The following LARGE1 variants were observed in gnomAD, a reference collection of about 807,000 sequenced individuals.
The protein encoded by LARGE1 is LARGE xylosyl- and glucuronyltransferase 1.
A neutral mutation model predicts 87.6 loss-of-function variants in LARGE1; 43 were observed. The observed-to-expected ratio is 0.49, with a 90% CI of 0.38 to 0.63. The LOEUF (loss-of-function observed/expected upper bound fraction) is 0.63, where lower values mean the gene tolerates loss of function less well. Ranked by LOEUF, LARGE1 falls within the 30% of genes least tolerant of loss-of-function variation. The pLI, the probability that LARGE1 is intolerant of heterozygous loss-of-function variation, is 0.00. For synonymous variants in LARGE1, 434 were observed against 394.6 expected, an observed-to-expected ratio of 1.10 and a Z score of -1.18; for missense variants, 802 against 1,000.2, an observed-to-expected ratio of 0.80 and a Z score of 2.67.
At chr22:33,603,217 G>T (rs989466406) in intron 5 of LARGE1, among the ~76,000 whole-genome samples, 1 of 152,174 alleles carries the variant, frequency 6.6e-6, no homozygotes, top group Non-Finnish European at 1.5e-5. Context: ...TATTAAAAAT[G>T]CTATGGCTCT....
intron 1 of LARGE1, among the ~76,000 whole-genome samples, chr22:33,840,028 A>T (rs184512430): frequency 6.6e-6 from 1 of 152,352 alleles, no homozygotes; most frequent in East Asian, 1.9e-4. Context: ...GGGCCAGATC[A>T]TTAGAGAAAA....
chr22:33,497,071 C>CTTTTTT (rs5845088), intron 6 of LARGE1, among the ~76,000 whole-genome samples: 74 of 133,840 alleles, frequency 5.5e-4, no homozygotes, highest in African/African-American at 7.8e-4. Flanking sequence ...CTTTTCTTTT[C>CTTTTTT]TTTTTTTTTT....
intron 6 of LARGE1, among the ~76,000 whole-genome samples, chr22:33,537,404 A>G (rs1044619140): frequency 3.7e-4 from 57 of 152,104 alleles, no homozygotes; most frequent in African/African-American, 1.3e-3. Context: ...TGCTTCTATC[A>G]TTATATCGCT....
intron 2 of LARGE1, among the ~76,000 whole-genome samples, chr22:33,700,741 A>G (rs1295205094): frequency 6.6e-6 from 1 of 152,192 alleles, no homozygotes; most frequent in African/African-American, 2.4e-5. Flanking sequence ...GAGGTCTTGA[A>G]GGACATTCTG....
intron 11 of LARGE1, among the ~76,000 whole-genome samples, chr22:33,244,058 G>A (rs570690218): frequency 5.9e-5 from 9 of 152,160 alleles, no homozygotes; most frequent in African/African-American, 9.6e-5. Flanking sequence ...GCGCGATCTC[G>A]GCTCACTGTA....
At chr22:33,811,996 GA>G (rs1424225412) in intron 1 of LARGE1, among the ~76,000 whole-genome samples, 4 of 152,202 alleles carry the variant, frequency 2.6e-5, no homozygotes, top group African/African-American at 9.7e-5. Flanking sequence ...AAGGAAAGGG[GA>G]AATTGGCTAC....
At chr22:33,456,836 T>C (rs2068150787) in intron 6 of LARGE1, among the ~76,000 whole-genome samples, 1 of 152,134 alleles carries the variant, frequency 6.6e-6, no homozygotes, top group South Asian at 2.1e-4. Flanking sequence ...TGCCAGGTAA[T>C]GAAGAAGCTG....
At chr22:33,688,681 G>A (rs1056205080) in intron 2 of LARGE1, among the ~76,000 whole-genome samples, 11 of 152,028 alleles carry the variant, frequency 7.2e-5, no homozygotes, top group African/African-American at 2.7e-4. Flanking sequence ...ACTTCCAAAA[G>A]TCATGCACCT....
intron 1 of LARGE1, among the ~76,000 whole-genome samples, chr22:33,844,308 A>G (rs902082773): frequency 2.6e-5 from 4 of 152,128 alleles, no homozygotes; most frequent in African/African-American, 4.8e-5. Flanking sequence ...AAGAGTCCCA[A>G]TGAGACTGTT....
intron 4 of LARGE1, among the ~76,000 whole-genome samples, chr22:33,615,355 A>G (rs1460855845): frequency 6.6e-6 from 1 of 152,190 alleles, no homozygotes; most frequent in Non-Finnish European, 1.5e-5. Flanking sequence ...TGACATAATT[A>G]CCTGGAAGTT....
intron 11 of LARGE1, among the ~76,000 whole-genome samples, chr22:33,183,611 C>T (rs1479823010): frequency 1.1e-5 from 1 of 90,210 alleles, no homozygotes; most frequent in Non-Finnish European, 2.6e-5. Flanking sequence ...AACACACACA[C>T]ACACACACGC....
chr22:33,378,838 G>T (rs73882211), intron 9 of LARGE1, among the ~76,000 whole-genome samples: 1,700 of 152,274 alleles, frequency 0.011, 21 homozygotes, highest in Middle Eastern at 0.034. Context: ...TGACAGATTT[G>T]CTGTAAATCA....
intron 2 of LARGE1, among the ~76,000 whole-genome samples, chr22:33,697,087 G>C (rs2082274499): frequency 1.3e-5 from 2 of 152,120 alleles, no homozygotes; most frequent in Non-Finnish European, 2.9e-5. Flanking sequence ...TGAGATGACA[G>C]AGGCAAAAAT....
At chr22:33,646,453 G>C (rs558884124) in intron 3 of LARGE1, among the ~76,000 whole-genome samples, 22 of 152,240 alleles carry the variant, frequency 1.4e-4, no homozygotes, top group African/African-American at 5.3e-4. Flanking sequence ...GGCAAGGGGA[G>C]GGAGAGCACT....
intron 6 of LARGE1, among the ~76,000 whole-genome samples, chr22:33,439,453 G>A (rs1197149408): frequency 2.0e-5 from 3 of 151,968 alleles, no homozygotes; most frequent in South Asian, 2.1e-4. Context: ...TAGCGTCGGC[G>A]ACATCTGTCC....
chr22:33,626,144 G>A, intron 4 of LARGE1, 100 bp downstream of exon 4: 1 of 944,966 alleles, frequency 1.1e-6, no homozygotes, highest in Non-Finnish European at 1.7e-6. Context: ...CAGCTAGAAT[G>A]ATTGATGAGA....
chr22:33,565,192 T>A (rs943487455), intron 5 of LARGE1, among the ~76,000 whole-genome samples, 173 bp from the exon 6 acceptor site: 1 of 152,244 alleles, frequency 6.6e-6, no homozygotes, highest in African/African-American at 2.4e-5. Flanking sequence ...CATTTTGACA[T>A]GTGAAGTTTT....
chr22:33,335,958 C>A (rs1303626422), intron 10 of LARGE1, among the ~76,000 whole-genome samples: 1 of 152,228 alleles, frequency 6.6e-6, no homozygotes, highest in Admixed American at 6.5e-5. Context: ...ATATAAACAT[C>A]ATGAGATCAG....
At chr22:33,574,888 G>C (rs1426379736) in intron 5 of LARGE1, among the ~76,000 whole-genome samples, 1 of 152,024 alleles carries the variant, frequency 6.6e-6, no homozygotes, top group Non-Finnish European at 1.5e-5. Context: ...CAGAGACAGT[G>C]GGAAAAACAA....
Sources: gnomAD v4.1 joint callset for allele counts (sites outside exome capture counted in the v4.1 genomes callset) on GRCh38, gnomAD v4.1.1 for gene constraint, MANE v1.5 for transcripts, NCBI Gene and HGNC (gene_info 2026-07-23, HGNC 2026-07-21) for gene names.